ZNF536: variants seen among roughly 807,000 people sequenced by gnomAD.
The protein encoded by ZNF536 is zinc finger protein 536.
Under a neutral mutation model 84.5 loss-of-function variants are expected in ZNF536, and 13 were observed. The observed-to-expected ratio is 0.15, with a 90% CI of 0.10 to 0.24. The LOEUF is 0.24. Ranked by LOEUF, ZNF536 falls within the 10% of genes least tolerant of loss-of-function variation. ZNF536 has a pLI of 1.00. For missense variants in ZNF536, 1,536 were observed against 1,747.5 expected (o/e 0.88, Z 2.16); for synonymous variants, 811 against 742.5 (o/e 1.09, Z -1.50).
intron 1 of ZNF536, among the ~76,000 whole-genome samples, chr19:30,422,616 G>C (rs1397856860): frequency 6.6e-6 from 1 of 152,114 alleles, no homozygotes; most frequent in African/African-American, 2.4e-5. Context: ...TATCTCCACA[G>C]TTCTCATAAC....
chr19:30,593,817 C>T (rs971965070), intron 1 of ZNF536, among the ~76,000 whole-genome samples: 2 of 152,238 alleles, frequency 1.3e-5, no homozygotes, highest in Non-Finnish European at 2.9e-5. Context: ...GAGCTGGGGT[C>T]TGCCAGCCTG....
chr19:30,375,353 C>G (rs890546972), intron 1 of ZNF536, among the ~76,000 whole-genome samples: 8 of 152,000 alleles, frequency 5.3e-5, no homozygotes, highest in African/African-American at 4.8e-5. Context: ...GTCACCGCGC[C>G]GGAGACAGCT....
intron 1 of ZNF536, among the ~76,000 whole-genome samples, chr19:30,606,009 T>C (rs992920615): frequency 1.3e-5 from 2 of 151,928 alleles, no homozygotes; most frequent in African/African-American, 4.8e-5. Context: ...TGTGAGATAC[T>C]GAGCTGAGGC....
intron 1 of ZNF536, among the ~76,000 whole-genome samples, chr19:30,389,495 C>G (rs1326806372): frequency 6.6e-6 from 1 of 152,184 alleles, no homozygotes; most frequent in Non-Finnish European, 1.5e-5. Flanking sequence ...TGCTTCACAG[C>G]TCAGAAATCT....
At chr19:30,655,364 T>C (rs932753346) in intron 1 of ZNF536, among the ~76,000 whole-genome samples, 3 of 152,116 alleles carry the variant, frequency 2.0e-5, no homozygotes, top group African/African-American at 7.2e-5. Flanking sequence ...ACATATTACA[T>C]TCAGAGAAAA....
At chr19:30,614,455 C>CG (rs772613793) in intron 1 of ZNF536, among the ~76,000 whole-genome samples, 3 of 50,482 alleles carry the variant, frequency 5.9e-5, no homozygotes, top group Non-Finnish European at 1.1e-4. Flanking sequence ...GGGGACTGGG[C>CG]GGGGGCGGGG....
intron 1 of ZNF536, among the ~76,000 whole-genome samples, chr19:30,276,281 C>T (rs554905448): frequency 6.6e-6 from 1 of 152,120 alleles, no homozygotes. Context: ...TATCTTTTGC[C>T]AGCAAGCATG....
At chr19:30,682,681 C>T (rs2051023776) in intron 1 of ZNF536, among the ~76,000 whole-genome samples, 1 of 152,206 alleles carries the variant, frequency 6.6e-6, no homozygotes, top group Non-Finnish European at 1.5e-5. Flanking sequence ...TTCCTGCCCT[C>T]CCTCTCTGCC....
chr19:30,629,450 C>A (rs2048808249), intron 1 of ZNF536, among the ~76,000 whole-genome samples: 1 of 152,236 alleles, frequency 6.6e-6, no homozygotes, highest in Non-Finnish European at 1.5e-5. Context: ...CCCACCTCGG[C>A]CTCCCAAATT....
chr19:30,696,138 C>T (rs1383311363), intron 1 of ZNF536, among the ~76,000 whole-genome samples: 1 of 152,130 alleles, frequency 6.6e-6, no homozygotes, highest in Non-Finnish European at 1.5e-5. Flanking sequence ...GGGATTTTTG[C>T]TAAAGCTGTT....
intron 1 of ZNF536, among the ~76,000 whole-genome samples, chr19:30,380,375 G>A (rs1600472882): frequency 6.6e-6 from 1 of 152,042 alleles, no homozygotes; most frequent in South Asian, 2.1e-4. Flanking sequence ...TGTTGGAGAC[G>A]GGCCACCCTG....
intron 2 of ZNF536, among the ~76,000 whole-genome samples, chr19:30,526,169 A>G (rs1450680484): frequency 6.6e-6 from 1 of 152,192 alleles, no homozygotes; most frequent in Non-Finnish European, 1.5e-5. Context: ...GAGACATGTC[A>G]CACCTGATGT....
intron 1 of ZNF536, among the ~76,000 whole-genome samples, chr19:30,667,214 T>C (rs936922373): frequency 3.9e-5 from 6 of 152,220 alleles, no homozygotes; most frequent in Non-Finnish European, 8.8e-5. Context: ...TGTCTCCATC[T>C]GAATTCATTT....
intron 3 of ZNF536, among the ~76,000 whole-genome samples, chr19:30,536,115 T>C (rs559295628): frequency 6.6e-6 from 1 of 152,276 alleles, no homozygotes; most frequent in Admixed American, 6.5e-5. Flanking sequence ...AAAATGGTCC[T>C]CCAGGTCCCA....
chr19:30,693,692 T>C (rs1283659044), intron 1 of ZNF536, among the ~76,000 whole-genome samples: 1 of 152,232 alleles, frequency 6.6e-6, no homozygotes, highest in African/African-American at 2.4e-5. Flanking sequence ...TTGAAAAGTT[T>C]ATGCTTCCAT....
intron 2 of ZNF536, among the ~76,000 whole-genome samples, chr19:30,307,387 C>CA (rs36015954): frequency 0.64 from 90,194 of 141,810 alleles, 27,827 homozygotes; most frequent in African/African-American, 0.67. Flanking sequence ...AGAGGACGTG[C>CA]AAAAAAAAAA....
intron 3 of ZNF536, among the ~76,000 whole-genome samples, chr19:30,361,054 C>T (rs932269555): frequency 2.0e-5 from 3 of 152,232 alleles, no homozygotes; most frequent in African/African-American, 7.2e-5. Flanking sequence ...TGCCTGACAA[C>T]TTGCCGGCTT....
At chr19:30,237,307 CATTGGA>C (rs1276427474) in intron 1 of ZNF536, among the ~76,000 whole-genome samples, 3 of 152,106 alleles carry the variant, frequency 2.0e-5, no homozygotes, top group Admixed American at 2.0e-4. Flanking sequence ...CAGACTTTCG[CATTGGA>C]ATCTGTCTCT....
At position 30,672,884 on chromosome 19, in the gene ZNF536, C is replaced by T. The variant is rs187267960; in HGVS notation, c.170-37873C>T. ...GAGTCTTATTCCTGCTGGGACCCTC[C>T]GAGGAACTATGTGGACAACCTCAAG... On this transcript the variant is annotated intron_variant, in intron 1 of 1. Transcript: ENST00000592773. 3.3e-3 allele frequency among the ~76,000 whole-genome samples: 507 copies of T among 152,254 alleles called. 5 individuals carry two copies. Among genetic ancestry groups the T allele is most frequent in the African/African-American group, 1.5e-3 (61 of 41,532 alleles).
Sources: gnomAD v4.1 joint callset for allele counts (sites outside exome capture counted in the v4.1 genomes callset) on GRCh38, gnomAD v4.1.1 for gene constraint, MANE v1.5 for transcripts, NCBI Gene and HGNC (gene_info 2026-07-23, HGNC 2026-07-21) for gene names.